DNAH7: variants seen among roughly 807,000 people sequenced by gnomAD.
DNAH7 encodes axonemal beta dynein heavy chain 7.
In DNAH7, 397 loss-of-function variants were observed where a neutral mutation model predicts 444.6. The ratio of observed to expected loss-of-function variants is 0.89; its 90% CI spans 0.82 to 0.97. The LOEUF is 0.97. Ranked by LOEUF, DNAH7 falls within the 50% of genes least tolerant of loss-of-function variation. DNAH7 has a pLI of 0.00. For synonymous variants in DNAH7, 1,636 were observed against 1,624.4 expected, an observed-to-expected ratio of 1.01 and a Z score of -0.17; for missense variants, 4,902 against 4,800.8, an observed-to-expected ratio of 1.02 and a Z score of -0.62.
intron 63 of DNAH7, among the ~76,000 whole-genome samples, chr2:195,749,271 A>T (rs1389335214): frequency 2.0e-5 from 3 of 152,158 alleles, no homozygotes; most frequent in Non-Finnish European, 2.9e-5. Flanking sequence ...GCAAATCAAA[A>T]CCACAATGAG....
At chr2:195,923,410 A>G (rs1688139783) in intron 23 of DNAH7, among the ~76,000 whole-genome samples, 185 bp downstream of exon 23, 1 of 152,232 alleles carries the variant, frequency 6.6e-6, no homozygotes, top group Non-Finnish European at 1.5e-5. Context: ...TACAGATATC[A>G]ATACAGATGA....
intron 49 of DNAH7, among the ~76,000 whole-genome samples, chr2:195,821,056 C>A (rs1316612242): frequency 6.6e-6 from 1 of 152,056 alleles, no homozygotes; most frequent in Admixed American, 6.6e-5. Context: ...TTTCAGCCCT[C>A]TTCAACTCCA....
intron 54 of DNAH7, among the ~76,000 whole-genome samples, chr2:195,800,893 A>C (rs1275763733): frequency 1.3e-5 from 2 of 152,208 alleles, no homozygotes; most frequent in East Asian, 1.9e-4. Context: ...CTCATGTTTC[A>C]TGTTTCAATT....
intron 10 of DNAH7, among the ~76,000 whole-genome samples, chr2:196,005,772 T>C (rs1473572506): frequency 6.6e-6 from 1 of 152,134 alleles, no homozygotes; most frequent in Non-Finnish European, 1.5e-5. Context: ...GCTTCACTGG[T>C]AGTTCTAACA....
chr2:195,960,464 C>T lies in DNAH7; in HGVS notation c.2687G>A (p.Ser896Asn). The change falls in exon 18 of 65, where the codon AGC becomes AAC. Residue 896 changes from serine to asparagine, a missense_variant. Coordinates refer to ENST00000312428, the MANE Select transcript of DNAH7 (RefSeq NM_018897.3). ...CGCCTTTTCAAGAGAATATTCTTTG[C>T]TAGCTGCTTCACTAATACCTTCAAA... ...DRFEGISEAASKEYSLEKAME... is the reference protein window; with the variant it reads ...DRFEGISEAANKEYSLEKAME... 1 of 1,614,162 alleles carries T rather than the reference C, an allele frequency of 6.2e-7. No individual in the cohort carries two copies. Among genetic ancestry groups the T allele is most frequent in the Non-Finnish European group, 8.5e-7 (1 of 1,180,024 alleles).
At chr2:195,928,464 G>T (rs1372320872) in intron 21 of DNAH7, among the ~76,000 whole-genome samples, 2 of 152,100 alleles carry the variant, frequency 1.3e-5, no homozygotes, top group Admixed American at 6.6e-5. Context: ...TGCTGCTAAA[G>T]AGTGGCCAAA....
intron 35 of DNAH7, 112 bp downstream of exon 35, chr2:195,884,473 C>G (rs1242685262): frequency 1.8e-5 from 14 of 766,672 alleles, no homozygotes; most frequent in Non-Finnish European, 2.8e-5. Flanking sequence ...TCTATGCTGT[C>G]TCTTATGGTA....
At chr2:195,887,922 G>A (rs1701798602) in intron 33 of DNAH7, among the ~76,000 whole-genome samples, 1 of 150,828 alleles carries the variant, frequency 6.6e-6, no homozygotes, top group Non-Finnish European at 1.5e-5. Context: ...TGGACTGACT[G>A]GCTTATTTTA....
intron 63 of DNAH7, among the ~76,000 whole-genome samples, chr2:195,746,486 C>T (rs530926163): frequency 9.1e-4 from 139 of 152,270 alleles, no homozygotes; most frequent in Non-Finnish European, 1.6e-3. Context: ...CAGCTCTGCA[C>T]CAAGCGGACC....
chr2:195,749,907 C>T (rs1693690182), intron 63 of DNAH7, among the ~76,000 whole-genome samples: 2 of 151,842 alleles, frequency 1.3e-5, no homozygotes, highest in Admixed American at 6.6e-5. Context: ...GGGTGCAGCA[C>T]ACCAGCATGG....
chr2:195,796,486 T>A, intron 56 of DNAH7, 90 bp downstream of exon 56: 1 of 1,422,030 alleles, frequency 7.0e-7, no homozygotes, highest in South Asian at 1.3e-5. Context: ...ACGCTCCAAA[T>A]TAGAGGGGAA....
At chr2:195,964,933 T>C (rs1255273822) in intron 17 of DNAH7, among the ~76,000 whole-genome samples, 1 of 152,108 alleles carries the variant, frequency 6.6e-6, no homozygotes, top group Non-Finnish European at 1.5e-5. Context: ...ACTTCTTCCT[T>C]TCCAGTTTGG....
chr2:195,986,821 A>C (rs1189212605), intron 14 of DNAH7, among the ~76,000 whole-genome samples: 2 of 152,212 alleles, frequency 1.3e-5, no homozygotes, highest in Non-Finnish European at 2.9e-5. Flanking sequence ...GTGTAAAAGA[A>C]ATACACATTT....
intron 58 of DNAH7, among the ~76,000 whole-genome samples, chr2:195,785,046 G>A (rs1695550262): frequency 6.6e-6 from 1 of 151,920 alleles, no homozygotes; most frequent in East Asian, 1.9e-4. Flanking sequence ...CGAGTAGCTG[G>A]GACTACAGGC....
Position 196,036,496 on chromosome 2 carries a change from C to T in DNAH7, c.399-8449G>A, listed in dbSNP as rs1201593903. Among the ~76,000 whole-genome samples the T allele has an allele frequency of 2.0e-5, 3 of 152,168 alleles. No individual in the cohort carries two copies. The East Asian group carries it at 5.8e-4, about 29-fold the overall frequency. ...GCGATCCAGCATATCCAGGAGTCTTCCCCCAAGGTATTGGGAACCAAAGTG... is the reference window on the plus strand; with the variant it reads ...GCGATCCAGCATATCCAGGAGTCTTTCCCCAAGGTATTGGGAACCAAAGTG... On this transcript the variant is annotated intron_variant, in intron 5 of 64. Coordinates refer to ENST00000312428, the MANE Select transcript of DNAH7 (RefSeq NM_018897.3).
intron 61 of DNAH7, among the ~76,000 whole-genome samples, chr2:195,759,189 C>G (rs1032968748): frequency 5.9e-5 from 9 of 152,138 alleles, no homozygotes; most frequent in African/African-American, 2.2e-4. Flanking sequence ...TGTCTTGCAA[C>G]TTGGGGGCCA....
chr2:196,038,801 A>G (rs1275654537), intron 5 of DNAH7, among the ~76,000 whole-genome samples: 1 of 152,240 alleles, frequency 6.6e-6, no homozygotes, highest in African/African-American at 2.4e-5. Context: ...AGGTCATTAT[A>G]TAATGAAAAG....
In DNAH7 at chr2:196,012,785, A is replaced by G. The variant is rs922180135; in HGVS notation, c.989+2T>C. ...TTCCTACATGAAATTTCAAACCTTT[A>G]CATTTTAAGTAGAGTCTCTTTGGCA... On this transcript the variant is annotated splice_donor_variant, in intron 10 of 64. Coordinates refer to ENST00000312428, the MANE Select transcript of DNAH7 (RefSeq NM_018897.3). LOFTEE classifies it high-confidence loss of function. The G allele has an allele frequency of 1.3e-6, 2 of 1,598,866 alleles. No individual in the cohort carries two copies. Among genetic ancestry groups the G allele is most frequent in the South Asian group, 1.1e-5 (1 of 88,478 alleles).
chr2:195,738,210 G>C, intron 64 of DNAH7, 83 bp from the exon 65 acceptor site: 1 of 1,263,928 alleles, frequency 7.9e-7, no homozygotes, highest in Non-Finnish European at 1.1e-6. Flanking sequence ...AGTATTCTCA[G>C]AGTAAGGTTA....
Sources: gnomAD v4.1 joint callset for allele counts (sites outside exome capture counted in the v4.1 genomes callset) on GRCh38, gnomAD v4.1.1 for gene constraint, MANE v1.5 for transcripts, NCBI Gene and HGNC (gene_info 2026-07-23, HGNC 2026-07-21) for gene names.